ARID4B: variants seen among roughly 807,000 people sequenced by gnomAD.
ARID4B encodes AT-rich interaction domain 4B.
A neutral mutation model predicts 147.5 loss-of-function variants in ARID4B; 26 were observed. That is an observed-to-expected ratio of 0.18 (90% CI 0.13 to 0.24). ARID4B has a LOEUF of 0.24. Ranked by LOEUF, ARID4B falls within the 10% of genes least tolerant of loss-of-function variation. The pLI is 1.00. For synonymous variants in ARID4B, 512 were observed against 507.9 expected, an observed-to-expected ratio of 1.01 and a Z score of -0.11; for missense variants, 1,179 against 1,511.5, an observed-to-expected ratio of 0.78 and a Z score of 3.65.
intron 22 of ARID4B, among the ~76,000 whole-genome samples, chr1:235,173,840 C>T (rs1571892063): frequency 1.5e-5 from 1 of 67,758 alleles, no homozygotes. Context: ...TATATATATA[C>T]CTTTTTTTAA....
chr1:235,177,997 G>T, intron 20 of ARID4B, 84 bp from the exon 21 acceptor site: 2 of 742,966 alleles, frequency 2.7e-6, no homozygotes, highest in Non-Finnish European at 4.3e-6. Flanking sequence ...TAGAAACATA[G>T]AACAATCCAA....
chr1:235,234,361 TA>T lies in ARID4B; in HGVS notation c.665+51del, dbSNP rs1193823319. ...AATCATTTAACATCCTAATTCAAAA[TA>T]ACAGCATATATTTATAAACTGGTTT... On this transcript the variant is annotated intron_variant, in intron 9 of 23. Transcript: ENST00000264183. The T allele has an allele frequency of 4.3e-6, 5 of 1,159,282 alleles. No individual in the cohort carries two copies. In the African/African-American group the frequency reaches 4.6e-5, roughly 11 times the overall value. The allele number at this position is 1,159,282 out of a possible 1,614,324, so 71.8% of individuals were successfully genotyped here.
intron 2 of ARID4B, among the ~76,000 whole-genome samples, chr1:235,274,966 T>G (rs575556627): frequency 6.6e-6 from 1 of 151,826 alleles, no homozygotes; most frequent in South Asian, 2.1e-4. Context: ...ATGGTAAGAG[T>G]AGGAAAATCC....
At chr1:235,197,286 C>T (rs1013889830) in intron 17 of ARID4B, among the ~76,000 whole-genome samples, 7 of 152,128 alleles carry the variant, frequency 4.6e-5, no homozygotes, top group Non-Finnish European at 7.4e-5. Flanking sequence ...CACCTGAAAA[C>T]GAGCTTTTAA....
intron 2 of ARID4B, among the ~76,000 whole-genome samples, chr1:235,275,273 G>C (rs903616707): frequency 2.0e-5 from 3 of 152,178 alleles, no homozygotes; most frequent in African/African-American, 7.2e-5. Flanking sequence ...TAGACTGCTA[G>C]CCACCTGATC....
chr1:235,215,685 T>C lies in ARID4B; in HGVS notation c.1584-1659A>G, dbSNP rs1405162550. 2.0e-5 allele frequency among the ~76,000 whole-genome samples: 3 copies of C among 151,572 alleles called. No individual in the cohort carries two copies. In the East Asian group the frequency reaches 5.8e-4, roughly 29 times the overall value. On this transcript the variant is annotated intron_variant, in intron 16 of 23. Transcript: ENST00000264183. ...GTGGTCTTGACTTCCTGTGCTCAAA[T>C]GATCCTCCCACCTCAGCATCCCAAG... is the stretch of plus-strand genomic sequence containing the variant.
chr1:235,296,703 G>C (rs368282388), intron 2 of ARID4B, among the ~76,000 whole-genome samples: 1 of 148,354 alleles, frequency 6.7e-6, no homozygotes, highest in Non-Finnish European at 1.5e-5. Flanking sequence ...CAAGTGATCC[G>C]CCCACCTCAG....
intron 21 of ARID4B, chr1:235,177,598 T>C: frequency 4.4e-6 from 2 of 457,442 alleles, no homozygotes; most frequent in Non-Finnish European, 7.7e-6. Context: ...TTACATTAGG[T>C]ATTTGTCCTA....
intron 20 of ARID4B, among the ~76,000 whole-genome samples, chr1:235,179,525 C>CCAAAAAA (rs1664132857): frequency 2.1e-5 from 1 of 48,360 alleles, no homozygotes; most frequent in African/African-American, 5.7e-5. Context: ...CTCTATGTCT[C>CCAAAAAA]AAAAAAAAAA....
rs61730876 is a variant in ARID4B at position 235,182,031 on chromosome 1, C to T, written c.2888G>A (p.Gly963Glu). The T allele has an allele frequency of 0.041, 65,889 of 1,614,012 alleles. 2,245 individuals carry two copies. The highest frequency in any genetic ancestry group is 0.18 in the African/African-American group (13,292 of 74,940). Residue 963 changes from glycine (G) to glutamate (E), a missense_variant, in exon 20 of 24, where the codon GGG becomes GAG. Physicochemically the swap from Gly to Glu is moderately conservative, Grantham distance 98. Around this residue, in one of 10 missense-constraint regions of ARID4B, gnomAD observed 357 missense variants for 427.3 expected, o/e 0.84. Coordinates refer to ENST00000264183, the MANE Select transcript of ARID4B (RefSeq NM_016374.6). Reference protein sequence around the residue: ...ASPPHPAPEEGVAEESLQTVA... With the variant: ...ASPPHPAPEEEVAEESLQTVA... ...AGTCTGCAGTGACTCCTCTGCCACC[C>T]CCTCCTCTGGGGCAGGATGCGGTGG...
chr1:235,245,922 A>T (rs986977248), intron 7 of ARID4B, among the ~76,000 whole-genome samples: 1 of 152,232 alleles, frequency 6.6e-6, no homozygotes, highest in African/African-American at 2.4e-5. Flanking sequence ...ATTCAAACCC[A>T]GACCAACTGG....
chr1:235,224,631 C>T, intron 12 of ARID4B, 72 bp downstream of exon 12: 1 of 1,089,280 alleles, frequency 9.2e-7, no homozygotes, highest in East Asian at 2.5e-5. Flanking sequence ...AAACAAAATT[C>T]TATTCTTATT....
chr1:235,235,504 G>A (rs1178493860), intron 8 of ARID4B, among the ~76,000 whole-genome samples: 2 of 152,174 alleles, frequency 1.3e-5, no homozygotes. Context: ...TGGTGTATGA[G>A]TAAGTGGGCT....
At chr1:235,173,514 A>C (rs1214532021) in intron 22 of ARID4B, among the ~76,000 whole-genome samples, 1 of 151,584 alleles carries the variant, frequency 6.6e-6, no homozygotes, top group Admixed American at 6.6e-5. Flanking sequence ...ATTAGAAGGC[A>C]ATTTTAAAAA....
At chr1:235,282,053 A>G (rs1284889917) in intron 2 of ARID4B, among the ~76,000 whole-genome samples, 1 of 152,214 alleles carries the variant, frequency 6.6e-6, no homozygotes, top group Non-Finnish European at 1.5e-5. Context: ...CTGCTATGAA[A>G]TAAAAACAGT....
At chr1:235,305,279 C>G (rs1673464369) in intron 2 of ARID4B, among the ~76,000 whole-genome samples, 1 of 152,128 alleles carries the variant, frequency 6.6e-6, no homozygotes, top group Admixed American at 6.6e-5. Flanking sequence ...AACCAATTCT[C>G]CCCTAGAGCC....
At chr1:235,277,089 T>TA (rs2103164574) in intron 2 of ARID4B, among the ~76,000 whole-genome samples, 1 of 148,424 alleles carries the variant, frequency 6.7e-6, no homozygotes, top group East Asian at 2.0e-4. Context: ...CTATAAAAAA[T>TA]AAAAAAATTA....
In ARID4B at chr1:235,254,887, A is replaced by T. The variant is rs78025442; in HGVS notation, c.274+773T>A. ...CATACTGAAACAAAACTGAGATACT[A>T]CTTTATGTCCAAATTAGCAAAAAAT... On this transcript the variant is annotated intron_variant, in intron 5 of 23. Coordinates refer to ENST00000264183, the MANE Select transcript of ARID4B (RefSeq NM_016374.6). 7.9e-5 allele frequency among the ~76,000 whole-genome samples: 12 copies of T among 152,106 alleles called. No individual in the cohort carries two copies. The East Asian group carries it at 2.3e-3, about 29-fold the overall frequency.
intron 2 of ARID4B, among the ~76,000 whole-genome samples, chr1:235,317,902 T>A (rs544964583): frequency 6.6e-6 from 1 of 152,258 alleles, no homozygotes; most frequent in Admixed American, 6.5e-5. Flanking sequence ...TGAAGTTAAA[T>A]ACTCAGCACT....
Sources: allele counts gnomAD v4.1 joint callset (sites outside exome capture counted in the v4.1 genomes callset), GRCh38; gene constraint gnomAD v4.1.1; regional missense constraint gnomAD v4.1.1; transcripts MANE v1.5; gene names NCBI Gene and HGNC (gene_info 2026-07-23, HGNC 2026-07-21).